ADAMTS20: variants seen among roughly 807,000 people sequenced by gnomAD.
ADAMTS20 encodes the protein ADAM metallopeptidase with thrombospondin type 1 motif 20, also known as A disintegrin and metalloproteinase with thrombospondin motifs 20.
Under a neutral mutation model 260.1 loss-of-function variants are expected in ADAMTS20, and 225 were observed. The ratio of observed to expected loss-of-function variants is 0.87; its 90% CI spans 0.78 to 0.97. The LOEUF (loss-of-function observed/expected upper bound fraction) is 0.97, where lower values mean the gene tolerates loss of function less well. ADAMTS20 is among the 50% of genes least tolerant of loss of function. The probability of loss-of-function intolerance (pLI) is 0.00; values close to 1 mark genes in which losing one functional copy is unlikely to be tolerated. For synonymous variants in ADAMTS20, 802 were observed against 769.5 expected (o/e 1.04, Z -0.70); for missense variants, 2,400 against 2,337.7 (o/e 1.03, Z -0.55).
Position 43,501,481 on chromosome 12 carries a change from G to GCACACACACACA in ADAMTS20, c.867+659_867+670dup, listed in dbSNP as rs3036317. ...GGGATACGCGCGCGCGCGCGCGCGC[G>GCACACACACACA]CACACACACACACACACACACATGT... On this transcript the variant is annotated intron_variant, in intron 4 of 38. Coordinates refer to ENST00000389420, the MANE Select transcript of ADAMTS20 (RefSeq NM_025003.5). Among the ~76,000 whole-genome samples, 290 of 117,840 alleles carry GCACACACACACA rather than the reference G, an allele frequency of 2.5e-3. 2 individuals are homozygous for GCACACACACACA. The highest frequency in any genetic ancestry group is 0.013 in the East Asian group (47 of 3,752). The allele number at this position is 117,840 out of a possible 152,430, so 77.3% of individuals were successfully genotyped here.
chr12:43,472,126 C>T (rs1442619455), intron 7 of ADAMTS20, among the ~76,000 whole-genome samples: 12 of 146,424 alleles, frequency 8.2e-5, no homozygotes, highest in Non-Finnish European at 1.8e-4. Flanking sequence ...ATAACCAATA[C>T]AGAGAAGTGC....
chr12:43,380,126 A>G (rs1348313173), intron 31 of ADAMTS20, among the ~76,000 whole-genome samples: 1 of 152,200 alleles, frequency 6.6e-6, no homozygotes, highest in Non-Finnish European at 1.5e-5. Context: ...GGAATGCAAG[A>G]TTATTGTAAC....
chr12:43,531,515 T>A (rs1469945740), intron 3 of ADAMTS20, among the ~76,000 whole-genome samples: 1 of 152,160 alleles, frequency 6.6e-6, no homozygotes, highest in Non-Finnish European at 1.5e-5. Flanking sequence ...AAAGATTGTT[T>A]AAAAGATCAT....
At chr12:43,390,854 T>C (rs1246570808) in intron 29 of ADAMTS20, among the ~76,000 whole-genome samples, 1 of 152,234 alleles carries the variant, frequency 6.6e-6, no homozygotes, top group Admixed American at 6.5e-5. Flanking sequence ...CGTGGCACTA[T>C]AGGCTTTTTC....
intron 7 of ADAMTS20, among the ~76,000 whole-genome samples, chr12:43,482,386 T>C (rs976178002): frequency 2.6e-5 from 4 of 152,200 alleles, no homozygotes; most frequent in Admixed American, 2.0e-4. Context: ...GGAAGGCTTA[T>C]AGTCTGGGGA....
chr12:43,424,096 GCAT>G (rs1261450122), intron 28 of ADAMTS20, among the ~76,000 whole-genome samples: 2 of 152,006 alleles, frequency 1.3e-5, no homozygotes, highest in African/African-American at 4.8e-5. Flanking sequence ...ACAAGAGCAG[GCAT>G]CAAGGGTTGG....
At chr12:43,392,713 A>G (rs1940621173) in intron 29 of ADAMTS20, among the ~76,000 whole-genome samples, 1 of 152,050 alleles carries the variant, frequency 6.6e-6, no homozygotes, top group Non-Finnish European at 1.5e-5. Context: ...TCTCCCGAAC[A>G]CATTTGGCAC....
intron 2 of ADAMTS20, among the ~76,000 whole-genome samples, chr12:43,546,355 T>C (rs554800487): frequency 3.2e-4 from 48 of 152,218 alleles, no homozygotes; most frequent in Non-Finnish European, 6.3e-4. Flanking sequence ...ATCTGGAAAC[T>C]GTTTCCTTCA....
chr12:43,467,515 C>T (rs753022986), intron 8 of ADAMTS20, among the ~76,000 whole-genome samples: 5 of 151,982 alleles, frequency 3.3e-5, no homozygotes, highest in Admixed American at 6.6e-5. Flanking sequence ...AAACAACTTA[C>T]CCATATACTA....
At chr12:43,436,877 A>G (rs1386879969) in intron 18 of ADAMTS20, among the ~76,000 whole-genome samples, 1 of 152,216 alleles carries the variant, frequency 6.6e-6, no homozygotes, top group Non-Finnish European at 1.5e-5. Flanking sequence ...TTAACTCAAG[A>G]AAAAAGATCA....
intron 7 of ADAMTS20, among the ~76,000 whole-genome samples, chr12:43,488,627 A>G (rs1942557304): frequency 6.6e-6 from 1 of 152,180 alleles, no homozygotes; most frequent in African/African-American, 2.4e-5. Flanking sequence ...AGCTTTGTAC[A>G]ATATTATAAA....
chr12:43,455,784 C>T (rs1179207104), intron 11 of ADAMTS20, among the ~76,000 whole-genome samples: 2 of 151,638 alleles, frequency 1.3e-5, no homozygotes, highest in African/African-American at 4.9e-5. Flanking sequence ...TCACAGCTTA[C>T]CGCAACCTCC....
At chr12:43,532,585 G>A (rs12313054) in intron 2 of ADAMTS20, among the ~76,000 whole-genome samples, 39,107 of 127,760 alleles carry the variant, frequency 0.31, 6,387 homozygotes, top group East Asian at 0.55. Flanking sequence ...CTAAGTTTTA[G>A]GGTACATGTG....
chr12:43,462,949 GC>G lies in ADAMTS20; in HGVS notation c.1559del (p.Gly520AlafsTer27). 1 of 1,609,784 alleles carries G rather than the reference GC, an allele frequency of 6.2e-7. No homozygotes were observed. The highest frequency in any genetic ancestry group is 8.5e-7 in the Non-Finnish European group (1 of 1,177,906). The part of the protein sequence containing the change: ...WCTSTEKLHK[G>X]CFTQHVPPAD... ...CTGGTGGCACGTGTTGAGTGAAACAGCCTTTGTGAAGCTTTTCTGTGCTTGT... is the reference window on the plus strand; with the variant it reads ...CTGGTGGCACGTGTTGAGTGAAACAGCTTTGTGAAGCTTTTCTGTGCTTGT... On this transcript the variant is annotated frameshift_variant, in exon 11 of 39. Transcript: ENST00000389420. LOFTEE classifies it high-confidence loss of function.
chr12:43,415,008 T>C (rs747408175), intron 28 of ADAMTS20, among the ~76,000 whole-genome samples: 1 of 152,268 alleles, frequency 6.6e-6, no homozygotes, highest in East Asian at 1.9e-4. Flanking sequence ...TATATACAAG[T>C]CATAGAAGTT....
chr12:43,506,032 G>A (rs116835145), intron 3 of ADAMTS20, among the ~76,000 whole-genome samples: 1,593 of 152,262 alleles, frequency 0.01, 35 homozygotes, highest in African/African-American at 0.036. Flanking sequence ...GCTGAGGTGG[G>A]AGGATCACTT....
chr12:43,386,231 C>T (rs1278073365), intron 29 of ADAMTS20, among the ~76,000 whole-genome samples: 2 of 151,976 alleles, frequency 1.3e-5, no homozygotes, highest in African/African-American at 2.4e-5. Context: ...CTCTAGTTCT[C>T]CTTTGCTTAC....
intron 37 of ADAMTS20, among the ~76,000 whole-genome samples, chr12:43,365,314 A>C (rs1939959859): frequency 6.6e-6 from 1 of 152,070 alleles, no homozygotes; most frequent in African/African-American, 2.4e-5. Context: ...CAACTTAAAA[A>C]ATCAAGAGTG....
At chr12:43,499,143 T>G (rs1174368716) in intron 4 of ADAMTS20, among the ~76,000 whole-genome samples, 3 of 152,066 alleles carry the variant, frequency 2.0e-5, no homozygotes, top group African/African-American at 7.2e-5. Context: ...CCTCCTTAAT[T>G]TTTCCTCCTA....
Sources: allele counts gnomAD v4.1 joint callset (sites outside exome capture counted in the v4.1 genomes callset), GRCh38; gene constraint gnomAD v4.1.1; transcripts MANE v1.5; gene names NCBI Gene and HGNC (gene_info 2026-07-23, HGNC 2026-07-21).